ERFL: variants seen among roughly 807,000 people sequenced by gnomAD.
The protein encoded by ERFL is ETS domain-containing transcription factor ERF-like.
ERFL carries 8 observed loss-of-function variants against 27.9 expected under a neutral mutation model. That is an observed-to-expected ratio of 0.29 (90% CI 0.17 to 0.52). The LOEUF (loss-of-function observed/expected upper bound fraction) is 0.52. Among genes scored for constraint, ERFL ranks in the 20% least tolerant of loss-of-function variants. The pLI, the probability that ERFL is intolerant of heterozygous loss-of-function variation, is 0.97. For missense variants in ERFL, 294 were observed against 444.4 expected (o/e 0.66, Z 3.04); for synonymous variants, 174 against 202.8 (o/e 0.86, Z 1.21).
chr19:41,909,768 T>G lies in ERFL; in HGVS notation c.302+95A>C, dbSNP rs945859671. ...ACGCACAGCCCTGTGCCTTGTGGGATCCAGCAGGAACCTGCCCCAGGATGC... is the reference window on the plus strand; with the variant it reads ...ACGCACAGCCCTGTGCCTTGTGGGAGCCAGCAGGAACCTGCCCCAGGATGC... On this transcript the variant is annotated intron_variant, in intron 3 of 5. Coordinates refer to ENST00000597630, the MANE Select transcript of ERFL (RefSeq NM_001365103.2). The surrounding 1 kb of genome is among the most constrained non-coding windows in gnomAD (Gnocchi z 5.2). 3 of 1,359,840 alleles carry G rather than the reference T, an allele frequency of 2.2e-6. No homozygotes were observed. The highest frequency in any genetic ancestry group is 3.0e-6 in the Non-Finnish European group (3 of 1,008,592). The allele number at this position is 1,359,840 out of a possible 1,614,324, so 84.2% of individuals were successfully genotyped here. A position where few individuals can be genotyped will look rare whatever the true frequency, so the allele number is the denominator to read the frequency against.
chr19:41,919,086 A>G (rs1357885559), intron 1 of ERFL, among the ~76,000 whole-genome samples: 1 of 151,172 alleles, frequency 6.6e-6, no homozygotes, highest in African/African-American at 2.4e-5. Flanking sequence ...ACATTACACC[A>G]CACCACATGC....
rs2074725823 is a variant in ERFL at position 41,907,855 on chromosome 19, G to A, written c.*373C>T. 6.0e-6 allele frequency: 1 copy of A among 167,206 alleles called. No individual in the cohort carries two copies. The highest frequency in any genetic ancestry group is 9.2e-6 in the Non-Finnish European group (1 of 108,658). 10.4% of individuals were successfully genotyped at this position (167,206 alleles called of 1,614,324 possible). On this transcript the variant is annotated 3_prime_UTR_variant, in exon 6 of 6. Coordinates refer to ENST00000597630, the MANE Select transcript of ERFL (RefSeq NM_001365103.2). Reference sequence around the variant, plus strand: ...CCCTGTCCCCAGGGGGGCCTATATGGGGGGGGTGTCAGGACTGGGGCCAGC... The same window carrying A: ...CCCTGTCCCCAGGGGGGCCTATATGAGGGGGGTGTCAGGACTGGGGCCAGC...
rs2074742460 is a variant in ERFL at position 41,909,838 on chromosome 19, G to T, written c.302+25C>A. The T allele has an allele frequency of 1.3e-6, 2 of 1,578,428 alleles. No homozygotes were observed. The highest frequency in any genetic ancestry group is 1.7e-6 in the Non-Finnish European group (2 of 1,161,214). On this transcript the variant is annotated intron_variant, in intron 3 of 5. Transcript: ENST00000597630. The surrounding 1 kb of genome is among the most constrained non-coding windows in gnomAD (Gnocchi z 5.2). ...CAGTTGGGGGAAAAGGACAAGGTGGGATCCAGCCCCAAGCCCTTCCTCACC... is the reference window on the plus strand; with the variant it reads ...CAGTTGGGGGAAAAGGACAAGGTGGTATCCAGCCCCAAGCCCTTCCTCACC...
Position 41,908,702 on chromosome 19 carries a change from C to G in ERFL, c.617-26G>C. 1 of 1,194,600 alleles carries G rather than the reference C, an allele frequency of 8.4e-7. No individual in the cohort carries two copies. The highest frequency in any genetic ancestry group is 4.2e-5 in the South Asian group (1 of 23,576). 74.0% of individuals were successfully genotyped at this position (1,194,600 alleles called of 1,614,324 possible). Reference sequence around the variant, plus strand: ...CTGGGGGGCACAGGGGTAGGTCAGGCTGGGGCACCTGCCTGCCTGGGGACC... The same window carrying G: ...CTGGGGGGCACAGGGGTAGGTCAGGGTGGGGCACCTGCCTGCCTGGGGACC... On this transcript the variant is annotated intron_variant, in intron 5 of 5. Transcript: ENST00000597630. This position sits in a 1 kb window ranked among gnomAD's most constrained non-coding sequence, Gnocchi z 6.7.
At position 41,909,469 on chromosome 19, in the gene ERFL, TA is replaced by T; in HGVS notation, c.304del (p.Tyr102ThrfsTer46). The T allele has an allele frequency of 8.0e-7, 1 of 1,243,292 alleles. No homozygotes were observed. The highest frequency in any genetic ancestry group is 1.0e-6 in the Non-Finnish European group (1 of 994,266). 77.0% of individuals were successfully genotyped at this position (1,243,292 alleles called of 1,614,324 possible). A position where few individuals can be genotyped will look rare whatever the true frequency, so the allele number is the denominator to read the frequency against. ...NYDKLSRALR[Y>X]YYNKRILHKT... The stretch of plus-strand genomic sequence containing the variant: ...GTGGAGAATCCGCTTGTTGTAGTAG[TA>T]ACTGTGGGGAGAGTGGTGGTGTTGG... On this transcript the variant is annotated frameshift_variant and splice_region_variant, in exon 4 of 6. Transcript: ENST00000597630. LOFTEE classifies it high-confidence loss of function. The surrounding 1 kb of genome is among the most constrained non-coding windows in gnomAD (Gnocchi z 5.2).
rs889833754 is a variant in ERFL, at chr19:41,908,244, C to G, written c.1049G>C (p.Gly350Ala). The change falls in exon 6 of 6, where the codon GGG (glycine) becomes GCG (alanine). Residue 350 changes from glycine (G) to alanine (A), a missense_variant. This residue lies in a region of ERFL where 246 missense variants were observed against 371.4 expected (regional missense o/e 0.66). Coordinates refer to ENST00000597630, the MANE Select transcript of ERFL (RefSeq NM_001365103.2). This position sits in a 1 kb window ranked among gnomAD's most constrained non-coding sequence, Gnocchi z 6.7. ...CCTGCCGGCTCAGCTGCCGGTCCCC[C>G]CTTTGCCCGCCTTTGCCTTGGGGGG... The part of the protein sequence containing the change: ...PAPPKAKAGK[G>A]GTGS The G allele has an allele frequency of 1.9e-5, 23 of 1,231,614 alleles. No individual in the cohort carries two copies. In the Admixed American group the frequency reaches 5.5e-4, roughly 29 times the overall value. 76.3% of individuals were successfully genotyped at this position (1,231,614 alleles called of 1,614,324 possible).
intron 1 of ERFL, among the ~76,000 whole-genome samples, chr19:41,927,686 A>G (rs2074879677): frequency 6.6e-6 from 1 of 151,868 alleles, no homozygotes; most frequent in South Asian, 2.1e-4. Context: ...CTCAGCCCCA[A>G]ACATCCAAAT....
Position 41,912,909 on chromosome 19 carries a change from C to T in ERFL, c.11G>A (p.Ser4Asn). MDC[S>N]CVSDLLFAPP... Reference sequence around the variant, plus strand: ...GGCGAAGAGAAGGTCGGAGACGCAGCTACAGTCCATGGCGGAGCCGGCCCT... The same window carrying T: ...GGCGAAGAGAAGGTCGGAGACGCAGTTACAGTCCATGGCGGAGCCGGCCCT... The change falls in exon 2 of 6, where the codon AGC (serine) becomes AAC (asparagine). Residue 4 changes from serine to asparagine, a missense_variant. Ser to Asn is a conservative substitution (Grantham distance 46, BLOSUM62 1). Coordinates refer to ENST00000597630, the MANE Select transcript of ERFL (RefSeq NM_001365103.2). 3 of 1,231,612 alleles carry T rather than the reference C, an allele frequency of 2.4e-6. No homozygotes were observed. The highest frequency in any genetic ancestry group is 2.0e-6 in the Non-Finnish European group (2 of 987,912). 76.3% of individuals were successfully genotyped at this position (1,231,612 alleles called of 1,614,324 possible).
intron 1 of ERFL, chr19:41,923,380 A>G: frequency 1.2e-5 from 4 of 347,774 alleles, no homozygotes; most frequent in South Asian, 8.8e-5. Context: ...AGAGCTGTAA[A>G]GACCCTGTAT....
intron 1 of ERFL, among the ~76,000 whole-genome samples, chr19:41,913,958 C>T (rs1476003203): frequency 1.3e-5 from 2 of 150,812 alleles, no homozygotes; most frequent in Non-Finnish European, 3.0e-5. Context: ...ACCCCCCAGA[C>T]GCTCTCAAAA....
At chr19:41,920,588 C>G (rs782764449) in intron 1 of ERFL, among the ~76,000 whole-genome samples, 1 of 152,090 alleles carries the variant, frequency 6.6e-6, no homozygotes, top group African/African-American at 2.4e-5. Flanking sequence ...GATGCACTCA[C>G]AGACAGGACA....
At chr19:41,924,828 C>T (rs1030618515) in intron 1 of ERFL, among the ~76,000 whole-genome samples, 6 of 152,014 alleles carry the variant, frequency 3.9e-5, no homozygotes, top group East Asian at 3.9e-4. Flanking sequence ...GAAAGGGGAC[C>T]GGTGTTTCTG....
At position 41,917,156 on chromosome 19, in the gene ERFL, C is replaced by T. The variant is rs1169355824; in HGVS notation, c.-13-4224G>A. ...TCTGTCTGTCTCTGTCACTGAGGGT[C>T]TCTGTCTGTCTCTGTCAGAGAGGGT... On this transcript the variant is annotated intron_variant, in intron 1 of 5. Transcript: ENST00000597630. The surrounding 1 kb of genome is among the most constrained non-coding windows in gnomAD (Gnocchi z 4.8). Among the ~76,000 whole-genome samples the T allele has an allele frequency of 1.3e-5, 2 of 152,132 alleles. No homozygotes were observed. The highest frequency in any genetic ancestry group is 6.5e-5 in the Admixed American group (1 of 15,270).
chr19:41,926,512 C>T (rs1215427589), intron 1 of ERFL, among the ~76,000 whole-genome samples: 1 of 152,096 alleles, frequency 6.6e-6, no homozygotes, highest in East Asian at 1.9e-4. Context: ...GGTCTGCCAC[C>T]TCGATTTCTC....
Position 41,916,189 on chromosome 19 carries a change from G to A in ERFL, c.-13-3257C>T, listed in dbSNP as rs147034330. On this transcript the variant is annotated intron_variant, in intron 1 of 5. Coordinates refer to ENST00000597630, the MANE Select transcript of ERFL (RefSeq NM_001365103.2). This position sits in a 1 kb window ranked among gnomAD's most constrained non-coding sequence, Gnocchi z 5.4. Reference sequence around the variant, plus strand: ...CCAACCCAGGCACGCACACCACCACGTCCCACACAGCACACATCGCACAGA... The same window carrying A: ...CCAACCCAGGCACGCACACCACCACATCCCACACAGCACACATCGCACAGA... 2.4e-4 allele frequency among the ~76,000 whole-genome samples: 37 copies of A among 151,638 alleles called. No individual in the cohort carries two copies. The highest frequency in any genetic ancestry group is 8.4e-4 in the South Asian group (4 of 4,784).
intron 1 of ERFL, among the ~76,000 whole-genome samples, chr19:41,913,591 C>G (rs1599673178): frequency 4.0e-5 from 6 of 151,744 alleles, no homozygotes; most frequent in Admixed American, 3.9e-4. Flanking sequence ...GAGGCCTCCA[C>G]AGACCCTAGA....
In ERFL at chr19:41,908,293, C is replaced by T. The variant is rs1245447201; in HGVS notation, c.1000G>A (p.Glu334Lys). Reference protein sequence around the residue: ...TDVSGCSSDSEGDEGLPAPPK... With the variant: ...TDVSGCSSDSKGDEGLPAPPK... ...GGTGCCGGGAGACCCTCATCGCCCT[C>T]GCTGTCAGAGCTGCAGCCGCTGACG... The change falls in exon 6 of 6, where the codon GAG (glutamate) becomes AAG (lysine). Residue 334 changes from glutamate to lysine, a missense_variant. Coordinates refer to ENST00000597630, the MANE Select transcript of ERFL (RefSeq NM_001365103.2). This position sits in a 1 kb window ranked among gnomAD's most constrained non-coding sequence, Gnocchi z 6.7. The T allele has an allele frequency of 5.7e-6, 7 of 1,231,470 alleles. No homozygotes were observed. The highest frequency in any genetic ancestry group is 4.1e-5 in the South Asian group (1 of 24,326). The allele number at this position is 1,231,470 out of a possible 1,614,324, so 76.3% of individuals were successfully genotyped here. A position where few individuals can be genotyped will look rare whatever the true frequency, so the allele number is the denominator to read the frequency against.
Position 41,908,186 on chromosome 19 carries a change from C to T in ERFL, c.*42G>A. The T allele has an allele frequency of 8.1e-7, 1 of 1,229,336 alleles. No homozygotes were observed. The allele number at this position is 1,229,336 out of a possible 1,614,324, so 76.2% of individuals were successfully genotyped here. A position where few individuals can be genotyped will look rare whatever the true frequency, so the allele number is the denominator to read the frequency against. On this transcript the variant is annotated 3_prime_UTR_variant, in exon 6 of 6. Coordinates refer to ENST00000597630, the MANE Select transcript of ERFL (RefSeq NM_001365103.2). This position sits in a 1 kb window ranked among gnomAD's most constrained non-coding sequence, Gnocchi z 6.7. Reference sequence around the variant, plus strand: ...GGCATCAAGGGCAGACGGGCAGCCACCCTGGTCCCTGCCTCAGCAGAATCC... The same window carrying T: ...GGCATCAAGGGCAGACGGGCAGCCATCCTGGTCCCTGCCTCAGCAGAATCC...
intron 1 of ERFL, among the ~76,000 whole-genome samples, chr19:41,918,673 G>GACACACCACACACACCACATATCCGCC (rs1555852148): frequency 4.4e-5 from 5 of 112,834 alleles, no homozygotes; most frequent in African/African-American, 1.8e-4. Context: ...ACCCATCACA[G>GACACACCACACACACCACATATCCGCC]ACACACCACA....
Sources: allele counts gnomAD v4.1 joint callset (sites outside exome capture counted in the v4.1 genomes callset), GRCh38; gene constraint gnomAD v4.1.1; regional missense constraint gnomAD v4.1.1; non-coding constraint Gnocchi (gnomAD v3.1); transcripts MANE v1.5; gene names NCBI Gene and HGNC (gene_info 2026-07-23, HGNC 2026-07-21).